ROS1: variants seen among roughly 807,000 people sequenced by gnomAD.
ROS1 encodes proto-oncogene tyrosine-protein kinase ROS.
In ROS1, 263 loss-of-function variants were observed where a neutral mutation model predicts 273.5. That is an observed-to-expected ratio of 0.96 (90% CI 0.87 to 1.06). ROS1 has a LOEUF of 1.06. Ranked by LOEUF, ROS1 falls within the 50% of genes least tolerant of loss-of-function variation. ROS1 has a pLI of 0.00. For synonymous variants in ROS1, 1,008 were observed against 954.1 expected (o/e 1.06, Z -1.04); for missense variants, 2,833 against 2,751.1 (o/e 1.03, Z -0.67).
At chr6:117,300,947 T>C (rs1482474372) in intron 43 of ROS1, 27 bp downstream of exon 43, 3 of 1,526,548 alleles carry the variant, frequency 2.0e-6, no homozygotes, top group African/African-American at 2.8e-5. Flanking sequence ...CAGCGAAAAC[T>C]AGAAAATTCT....
Position 117,337,309 on chromosome 6 carries a change from GT to G in ROS1, c.5092del (p.Thr1698LeufsTer26). 6.2e-7 allele frequency: 1 copy of G among 1,610,324 alleles called. No individual in the cohort carries two copies. Among genetic ancestry groups the G allele is most frequent in the Non-Finnish European group, 8.5e-7 (1 of 1,178,368 alleles). On this transcript the variant is annotated frameshift_variant, in exon 32 of 44. Coordinates refer to ENST00000368507, the MANE Select transcript of ROS1 (RefSeq NM_001378902.1). LOFTEE classifies it high-confidence loss of function. ...ATAAGCAGGACCTTGGCTGCATGAA[GT>G]TTTAACATGGTAAAACTCATTGTAT... ...WKYNEFYHVK[T>X]SCSQGPAYVC...
Position 117,365,119 on chromosome 6 carries a change from G to A in ROS1, c.3044C>T (p.Pro1015Leu). ...GGGGCCCTTTCCCCAGTAGGTATAA[G>A]GAGTGACAGAAAGATTAAATAAGGC... ...PYALFNLSVTPYTYWGKGPKT... is the reference protein window; with the variant it reads ...PYALFNLSVTLYTYWGKGPKT... Residue 1015 changes from proline to leucine, a missense_variant, in exon 21 of 44, where the codon CCT (proline) becomes CTT (leucine). Physicochemically the swap from Pro to Leu is moderately conservative, Grantham distance 98. Transcript: ENST00000368507. The A allele has an allele frequency of 6.2e-7, 1 of 1,613,718 alleles. No homozygotes were observed. Among genetic ancestry groups the A allele is most frequent in the South Asian group, 1.1e-5 (1 of 91,058 alleles).
intron 5 of ROS1, among the ~76,000 whole-genome samples, chr6:117,405,038 T>C (rs904318683): frequency 6.6e-6 from 1 of 152,204 alleles, no homozygotes; most frequent in African/African-American, 2.4e-5. Flanking sequence ...AAGGGCTAGA[T>C]TTCTGAATGG....
chr6:117,288,738 C>G lies in ROS1; in HGVS notation c.6780G>C (p.Thr2260=), dbSNP rs367838842. The G allele has an allele frequency of 2.5e-6, 4 of 1,613,798 alleles. No homozygotes were observed. Among genetic ancestry groups the G allele is most frequent in the Non-Finnish European group, 3.4e-6 (4 of 1,179,972 alleles). The change falls in exon 44 of 44, where the codon ACG becomes ACC. Residue 2260 remains threonine, a synonymous_variant. Transcript: ENST00000368507. ...TATAGTTTAACCCTTCTCGGTTCTTCGTTTCCATTAAAGCAACTGGCATAA... is the reference window on the plus strand; with the variant it reads ...TATAGTTTAACCCTTCTCGGTTCTTGGTTTCCATTAAAGCAACTGGCATAA... ...DDIMPVALME[T]KNREGLNYMV... is the part of the protein sequence containing the mutation.
At chr6:117,412,605 CAGAT>C (rs3836982) in intron 4 of ROS1, among the ~76,000 whole-genome samples, 46,981 of 151,106 alleles carry the variant, frequency 0.31, 8,277 homozygotes, top group African/African-American at 0.47. Context: ...GATAGATAGA[CAGAT>C]AGATAGATAG....
At position 117,379,071 on chromosome 6, in the gene ROS1, A is replaced by G. The variant is rs1161406135; in HGVS notation, c.2570T>C (p.Leu857Pro). The G allele has an allele frequency of 6.2e-7, 1 of 1,608,636 alleles. No homozygotes were observed. The highest frequency in any genetic ancestry group is 2.2e-5 in the East Asian group (1 of 44,828). ...SQCIHLYTAVLRGQSTGDTTI... is the reference protein window; with the variant it reads ...SQCIHLYTAVPRGQSTGDTTI... ...GGACTCTACTTACCTCTGTCCCCGA[A>G]GAACAGCTGTGTACAGGTGAATACA... Residue 857 changes from leucine to proline, a missense_variant, in exon 18 of 44, where the codon CTT (leucine) becomes CCT (proline). By Grantham distance (98) the Leu-to-Pro change is moderately conservative. Transcript: ENST00000368507.
chr6:117,414,865 A>T (rs1467351108), intron 3 of ROS1, among the ~76,000 whole-genome samples: 3 of 152,252 alleles, frequency 2.0e-5, no homozygotes, highest in Non-Finnish European at 4.4e-5. Flanking sequence ...TGCCAAAGGT[A>T]AATAGAACAG....
In ROS1 at chr6:117,389,647, G is replaced by A. The variant is rs1772887445; in HGVS notation, c.1489C>T (p.His497Tyr). Residue 497 changes from histidine to tyrosine, a missense_variant, in exon 13 of 44, where the codon CAT (histidine) becomes TAT (tyrosine). Transcript: ENST00000368507. ...AAGGGGATGCGAGGTAGGATGAGAT[G>A]GGAAGCAGAGCCATCCAGAAATGTT... Reference protein sequence around the residue: ...MSTFLDGSASHLILPRIPFAD... With the variant: ...MSTFLDGSASYLILPRIPFAD... The A allele has an allele frequency of 1.2e-6, 2 of 1,614,212 alleles. No individual in the cohort carries two copies. The highest frequency in any genetic ancestry group is 1.7e-6 in the Non-Finnish European group (2 of 1,180,036).
At chr6:117,399,208 A>G (rs945563527) in intron 7 of ROS1, among the ~76,000 whole-genome samples, 2 of 152,210 alleles carry the variant, frequency 1.3e-5, no homozygotes, top group African/African-American at 4.8e-5. Flanking sequence ...AGAAATGAAC[A>G]GCAAAATTTG....
At chr6:117,310,971 T>C (rs1775499834) in intron 40 of ROS1, 49 bp downstream of exon 40, 1 of 1,161,830 alleles carries the variant, frequency 8.6e-7, no homozygotes. Flanking sequence ...CTACAGGTGA[T>C]TATTGTGCCA....
At chr6:117,395,169 A>T (rs909798478) in intron 9 of ROS1, among the ~76,000 whole-genome samples, 1 of 152,148 alleles carries the variant, frequency 6.6e-6, no homozygotes, top group Non-Finnish European at 1.5e-5. Context: ...CCTTTAGGGC[A>T]GAAGAAAGGT....
chr6:117,312,133 G>A (rs562675666), intron 39 of ROS1, among the ~76,000 whole-genome samples: 68 of 152,128 alleles, frequency 4.5e-4, no homozygotes, highest in African/African-American at 1.5e-3. Context: ...ACACTGGTCC[G>A]ATTGCAGTTC....
At chr6:117,416,373 T>C (rs1775334340) in intron 2 of ROS1, 56 bp from the exon 3 acceptor site, 3 of 1,156,264 alleles carry the variant, frequency 2.6e-6, no homozygotes, top group East Asian at 4.7e-5. Flanking sequence ...GACTTTTTCT[T>C]GTCACCTGAA....
intron 27 of ROS1, among the ~76,000 whole-genome samples, chr6:117,349,403 G>A (rs895157197): frequency 2.6e-5 from 4 of 151,832 alleles, no homozygotes; most frequent in Non-Finnish European, 4.4e-5. Flanking sequence ...TTTGATTAGC[G>A]ATAGCATGAT....
chr6:117,331,636 T>C (rs1777083344), intron 32 of ROS1, among the ~76,000 whole-genome samples: 2 of 152,132 alleles, frequency 1.3e-5, no homozygotes, highest in African/African-American at 2.4e-5. Context: ...AGACTAACAG[T>C]GGACCTCTCA....
intron 24 of ROS1, 79 bp downstream of exon 24, chr6:117,359,730 C>T: frequency 8.7e-7 from 1 of 1,146,502 alleles, no homozygotes; most frequent in Non-Finnish European, 1.3e-6. Context: ...AACCGTTTTC[C>T]AGTCATTTTA....
chr6:117,335,744 C>A (rs979252042), intron 32 of ROS1, among the ~76,000 whole-genome samples: 4 of 152,086 alleles, frequency 2.6e-5, no homozygotes, highest in Admixed American at 6.5e-5. Context: ...GAACAGAGAA[C>A]AAAACAGCAC....
chr6:117,398,673 T>G (rs1773692418), intron 7 of ROS1, among the ~76,000 whole-genome samples: 2 of 128,218 alleles, frequency 1.6e-5, no homozygotes, highest in African/African-American at 2.6e-5. Flanking sequence ...AGTGAGACCT[T>G]GTCTCAAAAA....
At chr6:117,336,668 A>G (rs546615231) in intron 32 of ROS1, among the ~76,000 whole-genome samples, 4 of 152,236 alleles carry the variant, frequency 2.6e-5, no homozygotes, top group African/African-American at 9.6e-5. Flanking sequence ...AGAATGATTT[A>G]TATTCCTTTG....
Sources: allele counts gnomAD v4.1 joint callset (sites outside exome capture counted in the v4.1 genomes callset), GRCh38; gene constraint gnomAD v4.1.1; transcripts MANE v1.5; gene names NCBI Gene and HGNC (gene_info 2026-07-23, HGNC 2026-07-21).